COL1A2: variants seen among roughly 807,000 people sequenced by gnomAD.
The protein encoded by COL1A2 is collagen type I alpha 2 chain.
A neutral mutation model predicts 174.3 loss-of-function variants in COL1A2; 49 were observed. That is an observed-to-expected ratio of 0.28 (90% CI 0.22 to 0.36). COL1A2 has a LOEUF of 0.36. Ranked by LOEUF, COL1A2 falls within the 10% of genes least tolerant of loss-of-function variation. The pLI, the probability that COL1A2 is intolerant of heterozygous loss-of-function variation, is 1.00. For synonymous variants in COL1A2, 655 were observed against 606.6 expected (o/e 1.08, Z -1.17); for missense variants, 1,438 against 1,822.7 (o/e 0.79, Z 3.84).
In COL1A2 at chr7:94,419,483, C is replaced by A; in HGVS notation, c.2026-15C>A. ...GGGGTGTTATTAATAAGACATGTTT[C>A]CTTTTTGGTACTAGGGTGCTCCTGG... On this transcript the variant is annotated splice_polypyrimidine_tract_variant and intron_variant, in intron 33 of 51. Transcript: ENST00000297268. The A allele has an allele frequency of 6.2e-7, 1 of 1,613,922 alleles. No homozygotes were observed. Among genetic ancestry groups the A allele is most frequent in the South Asian group, 1.1e-5 (1 of 91,060 alleles).
chr7:94,429,888 T>C, intron 51 of COL1A2: 1 of 279,690 alleles, frequency 3.6e-6, no homozygotes, highest in Non-Finnish European at 6.7e-6. Flanking sequence ...AAATTAAAAT[T>C]CACTAACAGC....
chr7:94,425,526 G>A (rs1250398973), intron 42 of COL1A2, 84 bp from the exon 43 acceptor site: 7 of 1,375,604 alleles, frequency 5.1e-6, no homozygotes, highest in Non-Finnish European at 6.2e-6. Context: ...CACTGGAAGT[G>A]ATGAAGACAG....
At chr7:94,399,217 A>G (rs1209125744) in intron 4 of COL1A2, 133 bp downstream of exon 4, 1 of 757,424 alleles carries the variant, frequency 1.3e-6, no homozygotes, top group Non-Finnish European at 2.2e-6. Context: ...CAGGTAATGC[A>G]CTGCAGAAGA....
rs1381226446 is a variant in COL1A2, at chr7:94,412,570, A to T, written c.1405-14A>T. 1.2e-6 allele frequency: 2 copies of T among 1,607,884 alleles called. No homozygotes were observed. The highest frequency in any genetic ancestry group is 2.7e-5 in the African/African-American group (2 of 74,804). ...TGTTGACACTGAGTAAACTTGAAAT[A>T]ACTCTGCTTTCAGGGCCTCCCTGGC... is the stretch of plus-strand genomic sequence containing the variant. On this transcript the variant is annotated splice_polypyrimidine_tract_variant and intron_variant, in intron 24 of 51. Coordinates refer to ENST00000297268, the MANE Select transcript of COL1A2 (RefSeq NM_000089.4).
In COL1A2 at chr7:94,423,026, C is replaced by G; in HGVS notation, c.2473C>G (p.Gln825Glu). Residue 825 changes from glutamine (Q) to glutamate (E), a missense_variant, in exon 40 of 52, where the codon CAA (glutamine) becomes GAA (glutamate). By Grantham distance (29) the Gln-to-Glu change is conservative (BLOSUM62 2). Coordinates refer to ENST00000297268, the MANE Select transcript of COL1A2 (RefSeq NM_000089.4). ...AGGGCTTCGTGGTCCTCGTGGTGAC[C>G]AAGGTCCAGTTGGCCGAACTGGAGA... ...KEGLRGPRGDQGPVGRTGEVG... is the reference protein window; with the variant it reads ...KEGLRGPRGDEGPVGRTGEVG... 1 of 1,614,076 alleles carries G rather than the reference C, an allele frequency of 6.2e-7. No homozygotes were observed. Among genetic ancestry groups the G allele is most frequent in the Non-Finnish European group, 8.5e-7 (1 of 1,179,996 alleles).
Position 94,395,873 on chromosome 7 carries a change from A to T in COL1A2, c.70+772A>T, listed in dbSNP as rs567160339. ...GAAATGGTAACATTTTTTAACTCAAATCTGCTCTAAATTTTGTTTGAGCCT... is the reference window on the plus strand; with the variant it reads ...GAAATGGTAACATTTTTTAACTCAATTCTGCTCTAAATTTTGTTTGAGCCT... On this transcript the variant is annotated intron_variant, in intron 1 of 51. Coordinates refer to ENST00000297268, the MANE Select transcript of COL1A2 (RefSeq NM_000089.4). Among the ~76,000 whole-genome samples, 217 of 152,200 alleles carry T rather than the reference A, an allele frequency of 1.4e-3. 1 individual carries two copies. Among genetic ancestry groups the T allele is most frequent in the Non-Finnish European group, 2.2e-3 (148 of 67,998 alleles).
intron 51 of COL1A2, 44 bp from the exon 52 acceptor site, chr7:94,430,203 G>T (rs1243811913): frequency 6.3e-7 from 1 of 1,586,974 alleles, no homozygotes; most frequent in Admixed American, 1.7e-5. Flanking sequence ...ATCAGATTCA[G>T]AAATAGTGAT....
rs570919017 is a variant in COL1A2, at chr7:94,424,020, A to T, written c.2566-316A>T. On this transcript the variant is annotated intron_variant, in intron 40 of 51. Transcript: ENST00000297268. ...CTATTATGTATCCATAACAATTTAAATTTTTTTATTTGTTTCCCTGCCTAG... is the reference window on the plus strand; with the variant it reads ...CTATTATGTATCCATAACAATTTAATTTTTTTTATTTGTTTCCCTGCCTAG... 6.2e-5 allele frequency: 21 copies of T among 337,476 alleles called. 1 individual carries two copies. Among genetic ancestry groups the T allele is most frequent in the South Asian group, 5.4e-4 (19 of 35,192 alleles). 20.9% of individuals were successfully genotyped at this position (337,476 alleles called of 1,614,324 possible).
chr7:94,425,898 T>C (rs1792263527), intron 44 of COL1A2, 41 bp downstream of exon 44: 1 of 1,603,816 alleles, frequency 6.2e-7, no homozygotes, highest in Non-Finnish European at 8.5e-7. Flanking sequence ...AGCATTCTCG[T>C]GGGCTTCACT....
intron 40 of COL1A2, chr7:94,423,581 G>GT (rs1584328342): frequency 5.9e-6 from 1 of 169,698 alleles, no homozygotes; most frequent in Non-Finnish European, 1.3e-5. Context: ...TTTTGTTTTT[G>GT]TTTTTTGTTT....
At chr7:94,410,390 C>T (rs1173681326) in intron 20 of COL1A2, 30 bp from the exon 21 acceptor site, 1 of 1,559,278 alleles carries the variant, frequency 6.4e-7, no homozygotes, top group African/African-American at 1.4e-5. Flanking sequence ...TTTTTTTACT[C>T]CCTCTTCTTT....
At chr7:94,399,892 G>A (rs868324693) in intron 4 of COL1A2, among the ~76,000 whole-genome samples, 4 of 152,284 alleles carry the variant, frequency 2.6e-5, no homozygotes, top group Middle Eastern at 3.4e-3. Flanking sequence ...TTAAACATAT[G>A]AAGCACGTGG....
intron 29 of COL1A2, 97 bp downstream of exon 29, chr7:94,414,372 A>G: frequency 1.8e-6 from 2 of 1,134,328 alleles, no homozygotes; most frequent in South Asian, 2.6e-5. Flanking sequence ...ATGTAAAAGA[A>G]AATTTCGTAT....
intron 16 of COL1A2, 133 bp from the exon 17 acceptor site, chr7:94,409,189 A>G (rs1258052277): frequency 1.1e-6 from 1 of 916,402 alleles, no homozygotes; most frequent in Non-Finnish European, 1.8e-6. Flanking sequence ...CAAATCTTGT[A>G]ATAAAACGGA....
intron 11 of COL1A2, 88 bp from the exon 12 acceptor site, chr7:94,406,162 G>C: frequency 7.3e-7 from 1 of 1,371,122 alleles, no homozygotes; most frequent in South Asian, 1.2e-5. Flanking sequence ...TTACCCAAGA[G>C]AGATTAATGG....
rs1419547922 is a variant in COL1A2 at position 94,412,134 on chromosome 7, C to T, written c.1404+13C>T. 6.2e-7 allele frequency: 1 copy of T among 1,609,094 alleles called. No individual in the cohort carries two copies. Among genetic ancestry groups the T allele is most frequent in the South Asian group, 1.1e-5 (1 of 90,458 alleles). Reference sequence around the variant, plus strand: ...AGAAGGTCCTGTCGTAAGTATTGCTCATTTTCCATTATATTTTCAAGGACA... The same window carrying T: ...AGAAGGTCCTGTCGTAAGTATTGCTTATTTTCCATTATATTTTCAAGGACA... On this transcript the variant is annotated intron_variant, in intron 24 of 51. Coordinates refer to ENST00000297268, the MANE Select transcript of COL1A2 (RefSeq NM_000089.4).
intron 35 of COL1A2, 29 bp from the exon 36 acceptor site, chr7:94,420,360 AAC>A: frequency 6.2e-7 from 1 of 1,614,160 alleles, no homozygotes. Flanking sequence ...TAGGATTGAT[AAC>A]ACATTTTTAA....
At chr7:94,405,648 A>G in intron 10 of COL1A2, 25 bp from the exon 11 acceptor site, 1 of 1,589,680 alleles carries the variant, frequency 6.3e-7, no homozygotes, top group Non-Finnish European at 8.6e-7. Flanking sequence ...AACATTATTC[A>G]CCATCTTCTG....
chr7:94,429,177 A>G lies in COL1A2; in HGVS notation c.3712-11A>G, dbSNP rs748154668. 1.1e-5 allele frequency: 17 copies of G among 1,566,416 alleles called. No individual in the cohort carries two copies. Among genetic ancestry groups the G allele is most frequent in the Admixed American group, 1.8e-5 (1 of 55,014 alleles). On this transcript the variant is annotated splice_polypyrimidine_tract_variant and intron_variant, in intron 50 of 51. Transcript: ENST00000297268. Reference sequence around the variant, plus strand: ...CTCCACTTAACTGGAATTTCATCCTATTTTCTGTAGTTTGAATATAATGTA... The same window carrying G: ...CTCCACTTAACTGGAATTTCATCCTGTTTTCTGTAGTTTGAATATAATGTA...
Sources: gnomAD v4.1 joint callset for allele counts (sites outside exome capture counted in the v4.1 genomes callset) on GRCh38, gnomAD v4.1.1 for gene constraint, MANE v1.5 for transcripts, NCBI Gene and HGNC (gene_info 2026-07-23, HGNC 2026-07-21) for gene names.